The following GLIS3 variants were observed in gnomAD, a reference collection of about 807,000 sequenced individuals.
The protein encoded by GLIS3 is zinc finger protein GLIS3.
GLIS3 carries 53 observed loss-of-function variants against 78.6 expected under a neutral mutation model. The ratio of observed to expected loss-of-function variants is 0.67; its 90% CI spans 0.54 to 0.85. The LOEUF (loss-of-function observed/expected upper bound fraction) is 0.85, where lower values mean the gene tolerates loss of function less well. Ranked by LOEUF, GLIS3 falls within the 40% of genes least tolerant of loss-of-function variation. The pLI is 0.00. For synonymous variants in GLIS3, 684 were observed against 509.9 expected (o/e 1.34, Z -4.60); for missense variants, 1,703 against 1,231.1 (o/e 1.38, Z -5.74).
At chr9:4,282,104 T>C (rs1282399619) in intron 2 of GLIS3, among the ~76,000 whole-genome samples, 1 of 152,238 alleles carries the variant, frequency 6.6e-6, no homozygotes, top group Non-Finnish European at 1.5e-5. Context: ...TGCTTGTCTG[T>C]GTAGCAATTC....
intron 2 of GLIS3, among the ~76,000 whole-genome samples, chr9:4,240,475 T>C (rs976409604): frequency 6.6e-6 from 1 of 151,956 alleles, no homozygotes; most frequent in African/African-American, 2.4e-5. Context: ...ACCCCTGATC[T>C]AAAGCATAAC....
At chr9:3,961,478 A>G (rs2130883292) in intron 4 of GLIS3, among the ~76,000 whole-genome samples, 1 of 152,356 alleles carries the variant, frequency 6.6e-6, no homozygotes, top group South Asian at 2.1e-4. Flanking sequence ...CATGTCATAA[A>G]TCATGGGTCT....
intron 4 of GLIS3, among the ~76,000 whole-genome samples, chr9:4,050,457 GTCT>G (rs1825665829): frequency 6.6e-6 from 1 of 152,048 alleles, no homozygotes; most frequent in Admixed American, 6.6e-5. Flanking sequence ...GTGGGTGGGG[GTCT>G]GGGGGAGGGA....
the GLIS3 span, among the ~76,000 whole-genome samples, chr9:4,393,281 T>C: frequency 1.3e-5 from 2 of 152,230 alleles, no homozygotes; most frequent in African/African-American, 4.8e-5. Context: ...ACACTAGTTA[T>C]GGCTTTTATC....
chr9:3,922,938 T>C (rs1165991880), intron 6 of GLIS3, among the ~76,000 whole-genome samples: 1 of 151,900 alleles, frequency 6.6e-6, no homozygotes, highest in East Asian at 1.9e-4. Flanking sequence ...TAGGATGGGG[T>C]CATTGGGAAC....
chr9:4,480,659 C>T, the GLIS3 span, among the ~76,000 whole-genome samples: 1,224 of 152,102 alleles, frequency 8.0e-3, 10 homozygotes, highest in African/African-American at 0.026. Context: ...AGCATACGAA[C>T]GCCTTGGCCT....
intron 2 of GLIS3, among the ~76,000 whole-genome samples, chr9:4,225,941 GA>G (rs1311059560): frequency 6.6e-6 from 1 of 152,166 alleles, no homozygotes; most frequent in Non-Finnish European, 1.5e-5. Context: ...ATGAGTGCAA[GA>G]ACACTTATTA....
At chr9:4,106,620 G>A (rs908057104) in intron 4 of GLIS3, among the ~76,000 whole-genome samples, 2 of 152,168 alleles carry the variant, frequency 1.3e-5, no homozygotes, top group Non-Finnish European at 2.9e-5. Flanking sequence ...GCCAGTTCAT[G>A]ACCAAAAGCA....
At chr9:3,888,283 C>T (rs1411290182) in intron 7 of GLIS3, among the ~76,000 whole-genome samples, 1 of 152,174 alleles carries the variant, frequency 6.6e-6, no homozygotes, top group African/African-American at 2.4e-5. Context: ...CCTCATTACT[C>T]ATGCCTCAAC....
At chr9:3,979,545 T>G in intron 4 of GLIS3, among the ~76,000 whole-genome samples, 1 of 152,192 alleles carries the variant, frequency 6.6e-6, no homozygotes, top group East Asian at 1.9e-4. Flanking sequence ...CTCTATGTGC[T>G]TCAGTTTCTT....
At chr9:4,055,272 G>A (rs895613552) in intron 4 of GLIS3, among the ~76,000 whole-genome samples, 3 of 152,174 alleles carry the variant, frequency 2.0e-5, no homozygotes, top group African/African-American at 7.2e-5. Context: ...AGCTACAGAT[G>A]TCGAGTCTGA....
chr9:4,474,719 T>A, the GLIS3 span, among the ~76,000 whole-genome samples: 1 of 147,908 alleles, frequency 6.8e-6, no homozygotes, highest in Non-Finnish European at 1.5e-5. Flanking sequence ...TTTTTTGAGA[T>A]GGCGTCTTGT....
intron 6 of GLIS3, among the ~76,000 whole-genome samples, chr9:3,914,764 C>G (rs1335969044): frequency 1.3e-5 from 2 of 152,168 alleles, no homozygotes; most frequent in Non-Finnish European, 2.9e-5. Context: ...GTTTGACAGA[C>G]TACACAGCCA....
intron 2 of GLIS3, among the ~76,000 whole-genome samples, chr9:4,161,875 G>A (rs1835509048): frequency 6.6e-6 from 1 of 151,500 alleles, no homozygotes; most frequent in Non-Finnish European, 1.5e-5. Context: ...AGTAGAGATG[G>A]GGGTTTCACC....
chr9:4,368,021 T>C, the GLIS3 span, among the ~76,000 whole-genome samples: 1 of 152,236 alleles, frequency 6.6e-6, no homozygotes. Context: ...CCCTGGACTT[T>C]CTACTGTATG....
intron 4 of GLIS3, among the ~76,000 whole-genome samples, chr9:4,096,775 G>A (rs548068550): frequency 2.2e-4 from 34 of 152,298 alleles, no homozygotes; most frequent in African/African-American, 8.2e-4. Context: ...ACTTTGGGAG[G>A]CCAAGGCAGG....
intron 2 of GLIS3, among the ~76,000 whole-genome samples, chr9:4,194,229 T>C (rs1818595418): frequency 6.6e-6 from 1 of 151,964 alleles, no homozygotes; most frequent in South Asian, 2.1e-4. Context: ...AGCTAATTTC[T>C]TTTGTATTTT....
chr9:4,398,146 T>G, the GLIS3 span, among the ~76,000 whole-genome samples: 2 of 152,080 alleles, frequency 1.3e-5, no homozygotes, highest in African/African-American at 4.8e-5. Context: ...CCCAAGTGAT[T>G]TATCAGAATA....
the GLIS3 span, among the ~76,000 whole-genome samples, chr9:4,368,512 T>G: frequency 6.6e-6 from 1 of 152,042 alleles, no homozygotes; most frequent in African/African-American, 2.4e-5. Flanking sequence ...CACGCCCGGC[T>G]AATTTTGTTT....
Sources: allele counts gnomAD v4.1 joint callset (sites outside exome capture counted in the v4.1 genomes callset), GRCh38; gene constraint gnomAD v4.1.1; transcripts MANE v1.5; gene names NCBI Gene and HGNC (gene_info 2026-07-23, HGNC 2026-07-21).